The following ZNRF3 variants were observed in gnomAD, a reference collection of about 807,000 sequenced individuals.
ZNRF3 encodes the protein zinc and ring finger 3, also known as E3 ubiquitin-protein ligase ZNRF3.
In ZNRF3, 23 loss-of-function variants were observed where a neutral mutation model predicts 72.5. The observed-to-expected ratio is 0.32, with a 90% CI of 0.23 to 0.45. The LOEUF is 0.45. Ranked by LOEUF, ZNRF3 falls within the 20% of genes least tolerant of loss-of-function variation. The probability of loss-of-function intolerance (pLI) is 1.00; values close to 1 mark genes in which losing one functional copy is unlikely to be tolerated. For synonymous variants in ZNRF3, 610 were observed against 545.3 expected (o/e 1.12, Z -1.65); for missense variants, 1,169 against 1,272.1 (o/e 0.92, Z 1.23).
rs763057028 is a variant in ZNRF3, at chr22:29,050,065, G to T, written c.1884G>T (p.Pro628=). The T allele has an allele frequency of 6.2e-7, 1 of 1,607,180 alleles. No individual in the cohort carries two copies. Among genetic ancestry groups the T allele is most frequent in the Non-Finnish European group, 8.5e-7 (1 of 1,177,434 alleles). The change falls in exon 8 of 9, where the codon CCG becomes CCT. Residue 628 remains proline, a synonymous_variant. Coordinates refer to ENST00000544604, the MANE Select transcript of ZNRF3 (RefSeq NM_001206998.2). ...RGPALCFEGS[P]PPEELPAVHS... ...CTGCCCTGTGCTTCGAGGGCTCCCCGCCTCCCGAGGAGCTCCCGGCGGTGC... is the reference window on the plus strand; with the variant it reads ...CTGCCCTGTGCTTCGAGGGCTCCCCTCCTCCCGAGGAGCTCCCGGCGGTGC...
chr22:28,884,172 A>G (rs1035605613), intron 1 of ZNRF3, 106 bp downstream of exon 1: 15 of 900,440 alleles, frequency 1.7e-5, no homozygotes, highest in Non-Finnish European at 1.9e-5. Flanking sequence ...GGCGGGCGGG[A>G]GGGGTGGCCG....
In ZNRF3 at chr22:28,996,447, A is replaced by G. The variant is rs865982536; in HGVS notation, c.426+9246A>G. On this transcript the variant is annotated intron_variant, in intron 2 of 8. Coordinates refer to ENST00000544604, the MANE Select transcript of ZNRF3 (RefSeq NM_001206998.2). ...AAATATCAATAGATATAACCAAATC[A>G]GAAGTTCTTGGGGTTCTTAATCATT... Among the ~76,000 whole-genome samples, 3 of 152,386 alleles carry G rather than the reference A, an allele frequency of 2.0e-5. No individual in the cohort carries two copies. In the South Asian group the frequency reaches 6.2e-4, roughly 32 times the overall value.
intron 2 of ZNRF3, among the ~76,000 whole-genome samples, chr22:29,003,104 A>G (rs879735904): frequency 2.0e-4 from 31 of 152,228 alleles, no homozygotes; most frequent in African/African-American, 6.8e-4. Flanking sequence ...CTGCAGATAT[A>G]ATGCAATTGG....
chr22:28,963,337 A>C (rs992977245), intron 1 of ZNRF3, among the ~76,000 whole-genome samples: 10 of 152,196 alleles, frequency 6.6e-5, no homozygotes, highest in African/African-American at 2.4e-4. Context: ...ACCTCATTGC[A>C]TCCCCTGCTT....
chr22:28,982,631 C>T (rs1245340316), intron 1 of ZNRF3, among the ~76,000 whole-genome samples: 1 of 151,334 alleles, frequency 6.6e-6, no homozygotes, highest in African/African-American at 2.4e-5. Context: ...CTCTGTTTCA[C>T]TTTTCCCATA....
chr22:28,988,151 A>G (rs1006189698), intron 2 of ZNRF3, among the ~76,000 whole-genome samples: 2 of 152,150 alleles, frequency 1.3e-5, no homozygotes, highest in East Asian at 1.9e-4. Flanking sequence ...AGGTTCAGAG[A>G]AGGTGATTTG....
At chr22:29,003,682 A>G (rs2036192803) in intron 2 of ZNRF3, among the ~76,000 whole-genome samples, 1 of 151,806 alleles carries the variant, frequency 6.6e-6, no homozygotes. Flanking sequence ...TCTACAAAAC[A>G]TTAAAAAATT....
intron 1 of ZNRF3, among the ~76,000 whole-genome samples, chr22:28,942,369 C>T (rs2034963659): frequency 1.3e-5 from 2 of 152,062 alleles, no homozygotes; most frequent in African/African-American, 4.8e-5. Flanking sequence ...AAGACCTGGC[C>T]CTTTCATATA....
chr22:28,953,680 T>C lies in ZNRF3; in HGVS notation c.301-33396T>C, dbSNP rs567322082. ...CATATATCCTGAAAGGATATTTCTC[T>C]AAGGCCAGTTAGGCATCAATCATTA... On this transcript the variant is annotated intron_variant, in intron 1 of 8. Coordinates refer to ENST00000544604, the MANE Select transcript of ZNRF3 (RefSeq NM_001206998.2). 4.6e-5 allele frequency among the ~76,000 whole-genome samples: 7 copies of C among 152,368 alleles called. No individual in the cohort carries two copies. The South Asian group carries it at 1.4e-3, about 32-fold the overall frequency.
chr22:28,922,343 C>T (rs1267585967), intron 1 of ZNRF3, among the ~76,000 whole-genome samples: 1 of 152,106 alleles, frequency 6.6e-6, no homozygotes, highest in African/African-American at 2.4e-5. Flanking sequence ...ACCTAGACCC[C>T]TTCAAGATGA....
intron 1 of ZNRF3, among the ~76,000 whole-genome samples, chr22:28,950,753 A>G (rs1295577653): frequency 3.9e-5 from 6 of 152,222 alleles, no homozygotes. Context: ...CATTCTTGCC[A>G]TGTAAATCCT....
At position 28,943,465 on chromosome 22, in the gene ZNRF3, G is replaced by A. The variant is rs534550815; in HGVS notation, c.301-43611G>A. ...GCACATTTCTTTTAGGGTTCCCAGCGTCCCTCAGCCTGTGTTTTCTCTCTC... is the reference window on the plus strand; with the variant it reads ...GCACATTTCTTTTAGGGTTCCCAGCATCCCTCAGCCTGTGTTTTCTCTCTC... On this transcript the variant is annotated intron_variant, in intron 1 of 8. Transcript: ENST00000544604. Among the ~76,000 whole-genome samples the A allele has an allele frequency of 1.8e-4, 27 of 152,256 alleles. No homozygotes were observed. In the South Asian group the frequency reaches 5.4e-3, roughly 30 times the overall value.
intron 1 of ZNRF3, among the ~76,000 whole-genome samples, chr22:28,954,128 T>G (rs1332525370): frequency 1.3e-5 from 2 of 152,228 alleles, no homozygotes; most frequent in Non-Finnish European, 2.9e-5. Context: ...CTGCCATATC[T>G]GCGTGCCAGC....
intron 1 of ZNRF3, among the ~76,000 whole-genome samples, chr22:28,898,772 T>C (rs2034048026): frequency 1.3e-5 from 2 of 152,230 alleles, no homozygotes; most frequent in African/African-American, 2.4e-5. Flanking sequence ...AGGACTGTAG[T>C]AGTATTTCTA....
At chr22:29,017,407 C>G (rs879690527) in intron 2 of ZNRF3, among the ~76,000 whole-genome samples, 3 of 152,054 alleles carry the variant, frequency 2.0e-5, no homozygotes, top group Non-Finnish European at 4.4e-5. Context: ...TAAGTGTGGC[C>G]CCTGTGGACA....
chr22:28,915,694 G>T (rs1029969793), intron 1 of ZNRF3, among the ~76,000 whole-genome samples: 2 of 152,214 alleles, frequency 1.3e-5, no homozygotes, highest in Non-Finnish European at 2.9e-5. Flanking sequence ...ATTATAGATA[G>T]AATTCATTCT....
chr22:28,991,069 C>G (rs2035943300), intron 2 of ZNRF3, among the ~76,000 whole-genome samples: 1 of 151,722 alleles, frequency 6.6e-6, no homozygotes, highest in Non-Finnish European at 1.5e-5. Flanking sequence ...ATTGCATGAG[C>G]TCAGGGATTT....
intron 2 of ZNRF3, among the ~76,000 whole-genome samples, chr22:28,993,227 A>ATCC (rs2035987782): frequency 6.6e-6 from 1 of 152,236 alleles, no homozygotes; most frequent in Non-Finnish European, 1.5e-5. Context: ...AACCCAGTGG[A>ATCC]ACCAGGCATC....
intron 1 of ZNRF3, among the ~76,000 whole-genome samples, chr22:28,921,707 C>T (rs373097246): frequency 5.0e-4 from 76 of 152,340 alleles, no homozygotes; most frequent in African/African-American, 1.6e-3. Context: ...TGAACTGCTT[C>T]GTATTCCCCT....
Sources: gnomAD v4.1 joint callset for allele counts (sites outside exome capture counted in the v4.1 genomes callset) on GRCh38, gnomAD v4.1.1 for gene constraint, MANE v1.5 for transcripts, NCBI Gene and HGNC (gene_info 2026-07-23, HGNC 2026-07-21) for gene names.